Variants in PDE3B observed in about 807,000 individuals in gnomAD.
The protein encoded by PDE3B is cGMP-inhibited 3',5'-cyclic phosphodiesterase 3B.
Under a neutral mutation model 116.8 loss-of-function variants are expected in PDE3B, and 66 were observed. The ratio of observed to expected loss-of-function variants is 0.56; its 90% CI spans 0.46 to 0.69. The LOEUF (loss-of-function observed/expected upper bound fraction) is 0.69. PDE3B is among the 30% of genes least tolerant of loss of function. The pLI is 0.00. For missense variants in PDE3B, 1,384 were observed against 1,368.1 expected (o/e 1.01, Z -0.18); for synonymous variants, 595 against 533.6 (o/e 1.12, Z -1.59).
intron 12 of PDE3B, among the ~76,000 whole-genome samples, chr11:14,854,415 A>G (rs1847810833): frequency 6.6e-6 from 1 of 152,224 alleles, no homozygotes; most frequent in Non-Finnish European, 1.5e-5. Flanking sequence ...GCTAGGTAAC[A>G]AACCCTATCC....
At chr11:14,769,661 T>TTA (rs1857585436) in intron 1 of PDE3B, among the ~76,000 whole-genome samples, 2 of 147,480 alleles carry the variant, frequency 1.4e-5, no homozygotes, top group South Asian at 4.2e-4. Flanking sequence ...ATATTAAATA[T>TTA]TATATATACA....
intron 1 of PDE3B, among the ~76,000 whole-genome samples, chr11:14,754,366 G>A (rs996857046): frequency 6.6e-6 from 1 of 151,890 alleles, no homozygotes; most frequent in Non-Finnish European, 1.5e-5. Context: ...AACAAATCAT[G>A]CTAACATTTC....
At position 14,818,315 on chromosome 11, in the gene PDE3B, A is replaced by G. The variant is rs1859397325; in HGVS notation, c.1655A>G (p.Gln552Arg). 1 of 1,613,440 alleles carries G rather than the reference A, an allele frequency of 6.2e-7. No homozygotes were observed. Among genetic ancestry groups the G allele is most frequent in the African/African-American group, 1.3e-5 (1 of 74,930 alleles). Reference sequence around the variant, plus strand: ...CTTAATAAGCCAAGCGTTATCTTGCAGAGATCTCTGGGCAATGCACCTAAT... The same window carrying G: ...CTTAATAAGCCAAGCGTTATCTTGCGGAGATCTCTGGGCAATGCACCTAAT... Reference protein sequence around the residue: ...DFLNKPSVILQRSLGNAPNTP... With the variant: ...DFLNKPSVILRRSLGNAPNTP... Residue 552 changes from glutamine (Q) to arginine (R), a missense_variant, in exon 6 of 16, where the codon CAG becomes CGG. Physicochemically the swap from Gln to Arg is conservative, Grantham distance 43. Around this residue, in one of 2 missense-constraint regions of PDE3B, gnomAD observed 956 missense variants for 806.8 expected, o/e 1.18. Transcript: ENST00000282096.
At chr11:14,878,307 A>G in the PDE3B span, 5 of 1,612,314 alleles carry the variant, frequency 3.1e-6, 1 homozygote, top group South Asian at 3.3e-5. Flanking sequence ...CCTAAACAGA[A>G]AAAGCAGATA....
intron 1 of PDE3B, among the ~76,000 whole-genome samples, chr11:14,681,990 T>C (rs1854724567): frequency 6.6e-6 from 1 of 152,210 alleles, no homozygotes; most frequent in Non-Finnish European, 1.5e-5. Context: ...TAGCACATAT[T>C]TTTATGTTAT....
At chr11:14,664,687 G>C (rs1026489164) in intron 1 of PDE3B, among the ~76,000 whole-genome samples, 4 of 152,148 alleles carry the variant, frequency 2.6e-5, no homozygotes. Context: ...TAAATTCCTC[G>C]ACACATACAC....
At chr11:14,756,172 C>G (rs1332968427) in intron 1 of PDE3B, among the ~76,000 whole-genome samples, 1 of 151,974 alleles carries the variant, frequency 6.6e-6, no homozygotes, top group Non-Finnish European at 1.5e-5. Context: ...TATTTATATG[C>G]AAGTGTTTCT....
rs544926383 is a variant in PDE3B, at chr11:14,861,145, A to C, written c.2725-60A>C. The C allele has an allele frequency of 1.7e-5, 23 of 1,366,008 alleles. No individual in the cohort carries two copies. In the Admixed American group the frequency reaches 3.1e-4, roughly 18 times the overall value. 84.6% of individuals were successfully genotyped at this position (1,366,008 alleles called of 1,614,324 possible). A position where few individuals can be genotyped will look rare whatever the true frequency, so the allele number is the denominator to read the frequency against. On this transcript the variant is annotated intron_variant, in intron 13 of 15. Transcript: ENST00000282096. ...TTAAGATAATTTGGTAAAAGCAAACAAAACAACAAGTTTTAAAAATGCCTT... is the reference window on the plus strand; with the variant it reads ...TTAAGATAATTTGGTAAAAGCAAACCAAACAACAAGTTTTAAAAATGCCTT...
intron 5 of PDE3B, among the ~76,000 whole-genome samples, chr11:14,808,819 A>G (rs923655568): frequency 1.3e-5 from 2 of 152,228 alleles, no homozygotes; most frequent in Non-Finnish European, 2.9e-5. Context: ...ATAGTACAAG[A>G]CTTTTACAAT....
At chr11:14,665,621 A>G (rs1343366015) in intron 1 of PDE3B, among the ~76,000 whole-genome samples, 1 of 152,170 alleles carries the variant, frequency 6.6e-6, no homozygotes, top group African/African-American at 2.4e-5. Flanking sequence ...TTATACACCA[A>G]TAACAGACAA....
rs1288034113 is a variant in PDE3B, at chr11:14,869,833, C to T, written c.*173C>T. Reference sequence around the variant, plus strand: ...CTGCTGGCAGTTTCCCACTCCTATGCACTTTCACAGGAACTAGAAAACTAT... The same window carrying T: ...CTGCTGGCAGTTTCCCACTCCTATGTACTTTCACAGGAACTAGAAAACTAT... On this transcript the variant is annotated 3_prime_UTR_variant, in exon 16 of 16. Coordinates refer to ENST00000282096, the MANE Select transcript of PDE3B (RefSeq NM_000922.4). 8.9e-6 allele frequency: 5 copies of T among 560,630 alleles called. No homozygotes were observed. In the South Asian group the frequency reaches 1.0e-4, roughly 12 times the overall value. The allele number at this position is 560,630 out of a possible 1,614,324, so 34.7% of individuals were successfully genotyped here. A position where few individuals can be genotyped will look rare whatever the true frequency, so the allele number is the denominator to read the frequency against.
intron 1 of PDE3B, among the ~76,000 whole-genome samples, chr11:14,671,196 A>G (rs982416846): frequency 2.0e-5 from 3 of 152,210 alleles, no homozygotes; most frequent in African/African-American, 7.2e-5. Context: ...TGATGCATGA[A>G]GAAAATAAAA....
chr11:14,684,820 G>A (rs1445997408), intron 1 of PDE3B, among the ~76,000 whole-genome samples: 1 of 152,094 alleles, frequency 6.6e-6, no homozygotes, highest in Non-Finnish European at 1.5e-5. Context: ...TAGGCTCTCT[G>A]CAGGAAGAAA....
chr11:14,737,120 T>A (rs1397939282), intron 1 of PDE3B, among the ~76,000 whole-genome samples: 1 of 151,978 alleles, frequency 6.6e-6, no homozygotes, highest in Non-Finnish European at 1.5e-5. Context: ...TGTAAAACAT[T>A]TAGAACGAAA....
chr11:14,821,378 G>C (rs1173960506), intron 7 of PDE3B, among the ~76,000 whole-genome samples: 1 of 152,140 alleles, frequency 6.6e-6, no homozygotes, highest in Non-Finnish European at 1.5e-5. Context: ...ATAGAGGAGT[G>C]ACAAGAATAC....
chr11:14,859,366 G>C, intron 13 of PDE3B, 120 bp downstream of exon 13: 1 of 602,854 alleles, frequency 1.7e-6, no homozygotes, highest in Admixed American at 3.5e-5. Flanking sequence ...ATAAATAGTT[G>C]ATATAAAATA....
intron 1 of PDE3B, among the ~76,000 whole-genome samples, chr11:14,724,406 A>T (rs982757990): frequency 6.6e-6 from 1 of 152,198 alleles, no homozygotes; most frequent in African/African-American, 2.4e-5. Context: ...GTTGAGAAAG[A>T]TGTACAGGTT....
chr11:14,818,849 G>C (rs567646738), intron 6 of PDE3B, among the ~76,000 whole-genome samples: 1 of 152,072 alleles, frequency 6.6e-6, no homozygotes, highest in Admixed American at 6.6e-5. Context: ...CACTACTTTA[G>C]TACCTATTCA....
chr11:14,713,714 ACACACACACACACT>A (rs1391941125), intron 1 of PDE3B, among the ~76,000 whole-genome samples: 2 of 151,990 alleles, frequency 1.3e-5, no homozygotes, highest in Non-Finnish European at 2.9e-5. Context: ...ACACACACAC[ACACACACACACACT>A]CACACACATA....
Sources: gnomAD v4.1 joint callset for allele counts (sites outside exome capture counted in the v4.1 genomes callset) on GRCh38, gnomAD v4.1.1 for gene constraint, gnomAD v4.1.1 regional missense constraint, MANE v1.5 for transcripts, NCBI Gene and HGNC (gene_info 2026-07-23, HGNC 2026-07-21) for gene names.